The following CAMK1D variants were observed in gnomAD, a reference collection of about 807,000 sequenced individuals.
CAMK1D encodes calcium/calmodulin dependent protein kinase ID, also known as calcium/calmodulin-dependent protein kinase type 1D.
A neutral mutation model predicts 47.7 loss-of-function variants in CAMK1D; 9 were observed. That is an observed-to-expected ratio of 0.19 (90% CI 0.11 to 0.33). The LOEUF is 0.33. Among genes scored for constraint, CAMK1D ranks in the 10% least tolerant of loss-of-function variants. The probability of loss-of-function intolerance (pLI) is 1.00; values close to 1 mark genes in which losing one functional copy is unlikely to be tolerated. For missense variants in CAMK1D, 291 were observed against 488.7 expected (o/e 0.60, Z 3.81); for synonymous variants, 184 against 184.9 (o/e 0.99, Z 0.04).
chr10:12,466,089 AG>A (rs748656152), intron 1 of CAMK1D, among the ~76,000 whole-genome samples: 7 of 152,008 alleles, frequency 4.6e-5, no homozygotes, highest in Non-Finnish European at 8.8e-5. Flanking sequence ...AGGTTGAGGA[AG>A]GAAGATCTCT....
chr10:12,510,232 T>C (rs949011027), intron 1 of CAMK1D, among the ~76,000 whole-genome samples: 2 of 152,082 alleles, frequency 1.3e-5, no homozygotes, highest in African/African-American at 4.8e-5. Flanking sequence ...CTGGCCAACA[T>C]AGCAAAAACT....
chr10:12,407,888 C>T (rs1175509739), intron 1 of CAMK1D, among the ~76,000 whole-genome samples: 1 of 138,514 alleles, frequency 7.2e-6, no homozygotes, highest in Non-Finnish European at 1.5e-5. Flanking sequence ...GAGAGACTCT[C>T]ACTCTGTCAC....
rs5783285 is a variant in CAMK1D, at chr10:12,724,889, C to CAA, written c.300-36048_300-36047dup. ...AGCCAGACCCCATCTCTTAAAAAAC[C>CAA]AAAAAAAAAAAAGTGATCTCTCCGT... On this transcript the variant is annotated intron_variant, in intron 3 of 10. Transcript: ENST00000619168. 1.8e-3 allele frequency among the ~76,000 whole-genome samples: 259 copies of CAA among 145,618 alleles called. 2 individuals carry two copies. The highest frequency in any genetic ancestry group is 5.6e-3 in the African/African-American group (224 of 39,900).
chr10:12,549,592 C>T (rs527490677), intron 1 of CAMK1D, among the ~76,000 whole-genome samples: 12 of 152,300 alleles, frequency 7.9e-5, no homozygotes, highest in African/African-American at 2.6e-4. Context: ...GACTTGCATT[C>T]GCAGAGAATG....
intron 2 of CAMK1D, among the ~76,000 whole-genome samples, chr10:12,637,422 C>G (rs1274983401): frequency 6.6e-6 from 1 of 152,208 alleles, no homozygotes; most frequent in African/African-American, 2.4e-5. Context: ...TTGCGATTAC[C>G]TTCCTGCCTG....
intron 2 of CAMK1D, among the ~76,000 whole-genome samples, chr10:12,652,107 C>T (rs1839989686): frequency 6.6e-6 from 1 of 152,026 alleles, no homozygotes; most frequent in African/African-American, 2.4e-5. Context: ...AAGATCTTCT[C>T]TTTGTATTTG....
At position 12,805,434 on chromosome 10, in the gene CAMK1D, G is replaced by T. The variant is rs117038160; in HGVS notation, c.642-8761G>T. Among the ~76,000 whole-genome samples the T allele has an allele frequency of 6.9e-5, 10 of 144,240 alleles. No individual in the cohort carries two copies. In the East Asian group the frequency reaches 1.9e-3, roughly 27 times the overall value. The allele number at this position is 144,240 out of a possible 152,430, so 94.6% of individuals were successfully genotyped here. ...TTGCCCAGGCTAGAGTGCAGTGCGC[G>T]ATCTCAGCTCACTGCAAACTCCACC... On this transcript the variant is annotated intron_variant, in intron 6 of 10. Coordinates refer to ENST00000619168, the MANE Select transcript of CAMK1D (RefSeq NM_153498.4).
intron 3 of CAMK1D, among the ~76,000 whole-genome samples, chr10:12,739,524 C>T (rs558103490): frequency 7.3e-5 from 11 of 150,012 alleles, no homozygotes; most frequent in South Asian, 2.1e-4. Flanking sequence ...CTCCTGACCT[C>T]GTGATCCACC....
intron 1 of CAMK1D, among the ~76,000 whole-genome samples, chr10:12,354,194 G>C (rs966376342): frequency 6.6e-6 from 1 of 152,092 alleles, no homozygotes; most frequent in Non-Finnish European, 1.5e-5. Context: ...CATGTTTTTC[G>C]TGTAGACTGA....
chr10:12,657,196 G>T (rs955925964), intron 2 of CAMK1D, among the ~76,000 whole-genome samples: 1 of 152,168 alleles, frequency 6.6e-6, no homozygotes, highest in African/African-American at 2.4e-5. Flanking sequence ...GGAGGCCGAG[G>T]CAGGCTGATC....
intron 1 of CAMK1D, among the ~76,000 whole-genome samples, chr10:12,541,900 A>G (rs1285108830): frequency 2.6e-5 from 1 of 38,278 alleles, no homozygotes; most frequent in Admixed American, 3.3e-4. Flanking sequence ...TTTTTTTTTC[A>G]GGTCTCTCTT....
chr10:12,693,978 ATATTAT>A (rs1346868015), intron 3 of CAMK1D, among the ~76,000 whole-genome samples: 4 of 15,968 alleles, frequency 2.5e-4, no homozygotes, highest in Non-Finnish European at 6.1e-4. Context: ...TATATAATAT[ATATTAT>A]ATATACATAT....
rs74119206 is a variant in CAMK1D, at chr10:12,576,111, T to G, written c.224+22755T>G. On this transcript the variant is annotated intron_variant, in intron 2 of 10. Transcript: ENST00000619168. ...TTCTAGTGAAAGCAAAAATGTGAAC[T>G]GCATTGTTCCTAAGTAAAATAGTTT... Among the ~76,000 whole-genome samples, 372 of 152,372 alleles carry G rather than the reference T, an allele frequency of 2.4e-3. 1 individual carries two copies. Among genetic ancestry groups the G allele is most frequent in the African/African-American group, 8.4e-3 (348 of 41,588 alleles).
intron 2 of CAMK1D, among the ~76,000 whole-genome samples, chr10:12,631,950 T>G (rs1839391362): frequency 1.3e-5 from 2 of 152,070 alleles, no homozygotes; most frequent in South Asian, 4.1e-4. Context: ...ACACAGGAGG[T>G]GCTCAGTAAA....
chr10:12,504,794 C>T (rs147788900), intron 1 of CAMK1D, among the ~76,000 whole-genome samples: 27 of 152,296 alleles, frequency 1.8e-4, no homozygotes, highest in African/African-American at 6.5e-4. Flanking sequence ...CTCTTACTAC[C>T]TCCCGGGACG....
chr10:12,472,212 T>C (rs1174262094), intron 1 of CAMK1D, among the ~76,000 whole-genome samples: 2 of 152,202 alleles, frequency 1.3e-5, no homozygotes, highest in African/African-American at 4.8e-5. Context: ...ACAGCGATGC[T>C]CTGCCTTCAT....
At chr10:12,394,268 C>G (rs1211471977) in intron 1 of CAMK1D, among the ~76,000 whole-genome samples, 1 of 152,108 alleles carries the variant, frequency 6.6e-6, no homozygotes, top group African/African-American at 2.4e-5. Context: ...TCTCCGGGTG[C>G]CCCACCTCCC....
In CAMK1D at chr10:12,764,731, C is replaced by T. The variant is rs375717201; in HGVS notation, c.438+3645C>T. Reference sequence around the variant, plus strand: ...CATGAACCATGTGGTCTTTATGATTCGAGCATTCCCGCCCCTTTTCTAAGC... The same window carrying T: ...CATGAACCATGTGGTCTTTATGATTTGAGCATTCCCGCCCCTTTTCTAAGC... On this transcript the variant is annotated intron_variant, in intron 4 of 10. Coordinates refer to ENST00000619168, the MANE Select transcript of CAMK1D (RefSeq NM_153498.4). Among the ~76,000 whole-genome samples, 8 of 152,306 alleles carry T rather than the reference C, an allele frequency of 5.3e-5. No individual in the cohort carries two copies. In the East Asian group the frequency reaches 7.7e-4, roughly 15 times the overall value.
chr10:12,795,778 T>C (rs1242317925), intron 6 of CAMK1D, among the ~76,000 whole-genome samples: 1 of 152,238 alleles, frequency 6.6e-6, no homozygotes, highest in East Asian at 1.9e-4. Flanking sequence ...GAAGTATTTT[T>C]TCCTACCAAG....
Sources: gnomAD v4.1 joint callset for allele counts (sites outside exome capture counted in the v4.1 genomes callset) on GRCh38, gnomAD v4.1.1 for gene constraint, MANE v1.5 for transcripts, NCBI Gene and HGNC (gene_info 2026-07-23, HGNC 2026-07-21) for gene names.